The following CDH13 variants were observed in gnomAD, a reference collection of about 807,000 sequenced individuals.
The protein encoded by CDH13 is cadherin-13.
A neutral mutation model predicts 63.8 loss-of-function variants in CDH13; 24 were observed. The observed-to-expected ratio is 0.38, with a 90% CI of 0.27 to 0.53. The LOEUF is 0.53. Among genes scored for constraint, CDH13 ranks in the 20% least tolerant of loss-of-function variants. The pLI, the probability that CDH13 is intolerant of heterozygous loss-of-function variation, is 0.85. For synonymous variants in CDH13, 503 were observed against 355.3 expected (o/e 1.42, Z -4.67); for missense variants, 1,049 against 903.1 (o/e 1.16, Z -2.07).
intron 5 of CDH13, among the ~76,000 whole-genome samples, chr16:83,241,551 A>T (rs1904449963): frequency 6.6e-6 from 1 of 152,192 alleles, no homozygotes. Context: ...ACACCTCATT[A>T]TGGTTTTGAT....
chr16:83,658,215 C>T (rs1392799316), intron 8 of CDH13, among the ~76,000 whole-genome samples: 2 of 145,650 alleles, frequency 1.4e-5, no homozygotes, highest in Non-Finnish European at 3.0e-5. Flanking sequence ...ATGTCCTCAC[C>T]ACCAGGTCCC....
At chr16:83,111,000 T>G in intron 3 of CDH13, among the ~76,000 whole-genome samples, 1 of 16,902 alleles carries the variant, frequency 5.9e-5, no homozygotes, top group African/African-American at 1.9e-4. Context: ...ATTAGGTTGT[T>G]GCAAAAAAAA....
At chr16:83,696,018 T>A (rs1344572342) in intron 10 of CDH13, among the ~76,000 whole-genome samples, 1 of 151,908 alleles carries the variant, frequency 6.6e-6, no homozygotes, top group East Asian at 1.9e-4. Flanking sequence ...GCCTCCTGAA[T>A]AGCTGGGATC....
chr16:83,347,844 G>A lies in CDH13; in HGVS notation c.781+2838G>A, dbSNP rs557594148. On this transcript the variant is annotated intron_variant, in intron 6 of 13. Transcript: ENST00000567109. ...GGCATCATGCTCAAAAGACTAGTCCGGGTCTGTCTACAATAGCCCGCATTT... is the reference window on the plus strand; with the variant it reads ...GGCATCATGCTCAAAAGACTAGTCCAGGTCTGTCTACAATAGCCCGCATTT... 2.6e-5 allele frequency among the ~76,000 whole-genome samples: 4 copies of A among 152,270 alleles called. No homozygotes were observed. In the East Asian group the frequency reaches 5.8e-4, roughly 22 times the overall value.
chr16:83,288,879 C>T (rs1416926674), intron 5 of CDH13, among the ~76,000 whole-genome samples: 1 of 152,122 alleles, frequency 6.6e-6, no homozygotes, highest in Non-Finnish European at 1.5e-5. Flanking sequence ...ACTGAAAAGA[C>T]AGTGGTATTT....
At chr16:83,575,583 C>T (rs564331552) in intron 7 of CDH13, among the ~76,000 whole-genome samples, 3 of 152,302 alleles carry the variant, frequency 2.0e-5, no homozygotes, top group Non-Finnish European at 4.4e-5. Context: ...CATCCCAGGG[C>T]CTTTGCACAT....
At chr16:82,802,820 C>A (rs2151163322) in intron 1 of CDH13, among the ~76,000 whole-genome samples, 1 of 152,254 alleles carries the variant, frequency 6.6e-6, no homozygotes, top group South Asian at 2.1e-4. Flanking sequence ...TGTAAGTTAC[C>A]AAGGAGCAAA....
At chr16:82,927,425 A>G (rs2042339561) in intron 2 of CDH13, among the ~76,000 whole-genome samples, 1 of 152,160 alleles carries the variant, frequency 6.6e-6, no homozygotes, top group Non-Finnish European at 1.5e-5. Context: ...CCCATGTTTT[A>G]CCATCTTCAT....
chr16:83,204,944 T>C (rs183322238), intron 4 of CDH13, among the ~76,000 whole-genome samples: 1 of 152,358 alleles, frequency 6.6e-6, no homozygotes, highest in East Asian at 1.9e-4. Flanking sequence ...CACATATCAC[T>C]TTCACTTACA....
intron 5 of CDH13, among the ~76,000 whole-genome samples, chr16:83,290,501 C>A (rs928173126): frequency 6.6e-6 from 1 of 152,166 alleles, no homozygotes; most frequent in Non-Finnish European, 1.5e-5. Context: ...TAAGACGTGC[C>A]TTTGCCCCTC....
intron 7 of CDH13, among the ~76,000 whole-genome samples, chr16:83,508,971 A>C (rs1435110044): frequency 6.6e-6 from 1 of 152,184 alleles, no homozygotes; most frequent in African/African-American, 2.4e-5. Flanking sequence ...AGGTGTGTAC[A>C]TGCCATCACA....
chr16:83,192,948 A>C (rs926483585), intron 4 of CDH13, among the ~76,000 whole-genome samples: 2 of 151,986 alleles, frequency 1.3e-5, no homozygotes, highest in African/African-American at 4.8e-5. Flanking sequence ...TTTCTCTTAA[A>C]GAGAAAGAGA....
chr16:82,970,583 T>A (rs1420757862), intron 2 of CDH13, among the ~76,000 whole-genome samples: 1 of 118,528 alleles, frequency 8.4e-6, no homozygotes, highest in Non-Finnish European at 2.0e-5. Context: ...GTATTTTTAG[T>A]AGAGACGGGG....
intron 1 of CDH13, among the ~76,000 whole-genome samples, chr16:82,690,894 G>A (rs914017970): frequency 6.6e-6 from 1 of 152,212 alleles, no homozygotes; most frequent in African/African-American, 2.4e-5. Context: ...CAGAGCCAGG[G>A]ATGAGGATGA....
chr16:83,209,863 G>T (rs9972868), intron 4 of CDH13, among the ~76,000 whole-genome samples: 126,372 of 151,874 alleles, frequency 0.83, 55,824 homozygotes, highest in East Asian at 0.97. Flanking sequence ...GTAATCGCCG[G>T]CACCAAGTCC....
chr16:83,311,009 A>G (rs1446230653), intron 5 of CDH13, among the ~76,000 whole-genome samples: 3 of 152,244 alleles, frequency 2.0e-5, no homozygotes, highest in Non-Finnish European at 4.4e-5. Context: ...ATCCTCTTCC[A>G]GGACAGATGT....
intron 1 of CDH13, among the ~76,000 whole-genome samples, chr16:82,796,913 C>T (rs1344390579): frequency 6.6e-6 from 1 of 152,210 alleles, no homozygotes; most frequent in Non-Finnish European, 1.5e-5. Context: ...AGACTATTGA[C>T]TCTGCTCAGA....
chr16:83,744,631 G>A (rs1425238122), intron 10 of CDH13, among the ~76,000 whole-genome samples: 1 of 152,172 alleles, frequency 6.6e-6, no homozygotes, highest in African/African-American at 2.4e-5. Flanking sequence ...ACATCAGGGA[G>A]GACACACAGG....
At chr16:83,146,446 T>C (rs2036754983) in intron 4 of CDH13, among the ~76,000 whole-genome samples, 1 of 151,890 alleles carries the variant, frequency 6.6e-6, no homozygotes, top group African/African-American at 2.4e-5. Flanking sequence ...TGCAATTTGT[T>C]TGGTCTTCCC....
Sources: allele counts gnomAD v4.1 joint callset (sites outside exome capture counted in the v4.1 genomes callset), GRCh38; gene constraint gnomAD v4.1.1; transcripts MANE v1.5; gene names NCBI Gene and HGNC (gene_info 2026-07-23, HGNC 2026-07-21).